The following CDH4 variants were observed in gnomAD, a reference collection of about 807,000 sequenced individuals.
The protein encoded by CDH4 is cadherin 4.
A neutral mutation model predicts 86.0 loss-of-function variants in CDH4; 33 were observed. That is an observed-to-expected ratio of 0.38 (90% CI 0.29 to 0.51). The LOEUF (loss-of-function observed/expected upper bound fraction) is 0.51, where lower values mean the gene tolerates loss of function less well. CDH4 is among the 20% of genes least tolerant of loss of function. CDH4 has a pLI of 0.86. For synonymous variants in CDH4, 555 were observed against 549.4 expected, an observed-to-expected ratio of 1.01 and a Z score of -0.14; for missense variants, 1,114 against 1,307.4, an observed-to-expected ratio of 0.85 and a Z score of 2.28.
At chr20:61,674,226 G>T (rs1015936525) in intron 2 of CDH4, among the ~76,000 whole-genome samples, 1 of 152,170 alleles carries the variant, frequency 6.6e-6, no homozygotes, top group South Asian at 2.1e-4. Flanking sequence ...GAGCTGCCCC[G>T]AGTCCCGTGG....
chr20:61,759,770 G>C (rs1272476101), intron 3 of CDH4, among the ~76,000 whole-genome samples: 1 of 152,148 alleles, frequency 6.6e-6, no homozygotes, highest in Non-Finnish European at 1.5e-5. Flanking sequence ...TTCTCAGCCA[G>C]GGCACTAGGC....
chr20:61,271,391 T>C (rs1202528687), intron 2 of CDH4, among the ~76,000 whole-genome samples: 2 of 152,222 alleles, frequency 1.3e-5, no homozygotes, highest in African/African-American at 4.8e-5. Context: ...TCCAGCCCAT[T>C]GACAATGGCG....
intron 2 of CDH4, among the ~76,000 whole-genome samples, chr20:61,430,049 G>A (rs2085237672): frequency 6.6e-6 from 1 of 152,236 alleles, no homozygotes; most frequent in Admixed American, 6.5e-5. Context: ...TGAGTCAGCA[G>A]ATTTCCCATG....
chr20:61,408,901 C>G (rs548948019), intron 2 of CDH4, among the ~76,000 whole-genome samples: 1 of 152,204 alleles, frequency 6.6e-6, no homozygotes, highest in Non-Finnish European at 1.5e-5. Context: ...CACGGGGTCA[C>G]GGGCCCACTG....
intron 2 of CDH4, among the ~76,000 whole-genome samples, chr20:61,565,218 T>TGCTCTTGGTGATGG (rs1347868814): frequency 4.5e-5 from 1 of 22,000 alleles, no homozygotes; most frequent in Non-Finnish European, 9.3e-5. Flanking sequence ...GTGCTCTCGG[T>TGCTCTTGGTGATGG]GGTAGGTGGT....
intron 5 of CDH4, among the ~76,000 whole-genome samples, chr20:61,849,623 C>A (rs1982622942): frequency 6.6e-6 from 1 of 152,090 alleles, no homozygotes; most frequent in South Asian, 2.1e-4. Flanking sequence ...AGGTCTGGAT[C>A]CTTGTGGTTG....
At chr20:61,390,571 G>T (rs2084978041) in intron 2 of CDH4, among the ~76,000 whole-genome samples, 1 of 150,240 alleles carries the variant, frequency 6.7e-6, no homozygotes, top group Non-Finnish European at 1.5e-5. Flanking sequence ...CCCCGATTGG[G>T]TTCGTGCGGT....
At chr20:61,734,104 G>C (rs906128647) in intron 2 of CDH4, among the ~76,000 whole-genome samples, 6 of 152,174 alleles carry the variant, frequency 3.9e-5, no homozygotes, top group Admixed American at 2.6e-4. Context: ...GGAGCTGCCG[G>C]CTCCTCTGTG....
chr20:61,747,479 C>G (rs568229617), intron 3 of CDH4, among the ~76,000 whole-genome samples: 2 of 150,810 alleles, frequency 1.3e-5, no homozygotes, highest in Non-Finnish European at 2.9e-5. Flanking sequence ...CACAGAGGCT[C>G]CAGAGCATGG....
chr20:61,482,601 T>A (rs1411389192), intron 2 of CDH4, among the ~76,000 whole-genome samples: 4 of 152,174 alleles, frequency 2.6e-5, no homozygotes, highest in Non-Finnish European at 5.9e-5. Flanking sequence ...CTTCCTCTCC[T>A]ACCCCTGTTC....
chr20:61,430,377 G>A (rs1356582863), intron 2 of CDH4, among the ~76,000 whole-genome samples: 1 of 152,176 alleles, frequency 6.6e-6, no homozygotes, highest in African/African-American at 2.4e-5. Flanking sequence ...TCATCAGTGT[G>A]CCAGGCGGCC....
At chr20:61,314,280 C>T (rs2084464406) in intron 2 of CDH4, among the ~76,000 whole-genome samples, 1 of 152,232 alleles carries the variant, frequency 6.6e-6, no homozygotes, top group Non-Finnish European at 1.5e-5. Flanking sequence ...CCTCTCCCCA[C>T]TCCCAGCCCC....
chr20:61,796,178 G>A (rs756986604), intron 4 of CDH4, among the ~76,000 whole-genome samples: 12 of 152,100 alleles, frequency 7.9e-5, no homozygotes, highest in Admixed American at 2.0e-4. Context: ...CCTGTGAGGC[G>A]AGGAGTGTTA....
chr20:61,792,143 G>A (rs1362738620), intron 4 of CDH4, among the ~76,000 whole-genome samples: 1 of 152,112 alleles, frequency 6.6e-6, no homozygotes, highest in African/African-American at 2.4e-5. Flanking sequence ...GTAGAGGCGT[G>A]AAGGTGAGGA....
At chr20:61,680,246 G>A (rs1445513274) in intron 2 of CDH4, among the ~76,000 whole-genome samples, 1 of 152,228 alleles carries the variant, frequency 6.6e-6, no homozygotes, top group Non-Finnish European at 1.5e-5. Flanking sequence ...CTCTGTGTCA[G>A]GATCCAGACC....
chr20:61,643,324 C>G (rs1181255357), intron 2 of CDH4, among the ~76,000 whole-genome samples: 1 of 152,252 alleles, frequency 6.6e-6, no homozygotes, highest in East Asian at 1.9e-4. Flanking sequence ...CCTCATGACT[C>G]AGCTACCTCT....
At chr20:61,579,959 C>G (rs1186023345) in intron 2 of CDH4, among the ~76,000 whole-genome samples, 1 of 151,782 alleles carries the variant, frequency 6.6e-6, no homozygotes, top group Non-Finnish European at 1.5e-5. Flanking sequence ...AAAAAAAAAG[C>G]TGTAAAATAA....
chr20:61,474,164 T>C (rs1458784095), intron 2 of CDH4, among the ~76,000 whole-genome samples: 2 of 133,610 alleles, frequency 1.5e-5, no homozygotes, highest in East Asian at 4.4e-4. Context: ...TTTTTTTTTT[T>C]TTTTTTTTTT....
intron 2 of CDH4, among the ~76,000 whole-genome samples, chr20:61,586,911 G>A (rs1342820209): frequency 1.3e-5 from 2 of 152,226 alleles, no homozygotes; most frequent in Non-Finnish European, 2.9e-5. Context: ...AGTACCTACT[G>A]TGTACTAAGC....
Sources: allele counts gnomAD v4.1 joint callset (sites outside exome capture counted in the v4.1 genomes callset), GRCh38; gene constraint gnomAD v4.1.1; transcripts MANE v1.5; gene names NCBI Gene and HGNC (gene_info 2026-07-23, HGNC 2026-07-21).